MUC7: variants seen among roughly 807,000 people sequenced by gnomAD.
The protein encoded by MUC7 is mucin 7, secreted.
Under a neutral mutation model 2.5 loss-of-function variants are expected in MUC7, and 2 were observed. The observed-to-expected ratio is 0.81, with a 90% confidence interval of 0.33 to 2.55. MUC7 has a LOEUF of 2.55. Ranked by LOEUF, MUC7 falls within the 30% of genes most tolerant of loss-of-function variation. MUC7 has a pLI of 0.11. For missense variants in MUC7, 408 were observed against 455.6 expected, an observed-to-expected ratio of 0.90 and a Z score of 0.95; for synonymous variants, 133 against 173.4, an observed-to-expected ratio of 0.77 and a Z score of 1.83.
intron 1 of MUC7, among the ~76,000 whole-genome samples, chr4:70,465,090 G>C (rs1734648895): frequency 6.6e-6 from 1 of 152,210 alleles, no homozygotes; most frequent in African/African-American, 2.4e-5. Flanking sequence ...GCCTCCGCTG[G>C]TGATACCCAG....
intron 1 of MUC7, among the ~76,000 whole-genome samples, chr4:70,455,516 TTG>T (rs1157040235): frequency 3.3e-5 from 5 of 152,216 alleles, no homozygotes; most frequent in Non-Finnish European, 7.3e-5. Context: ...TCTTTCTGGT[TTG>T]TGAGTTTATA....
chr4:70,433,011 G>C (rs1733722747), intron 1 of MUC7, among the ~76,000 whole-genome samples: 1 of 152,126 alleles, frequency 6.6e-6, no homozygotes, highest in Non-Finnish European at 1.5e-5. Flanking sequence ...GCTTGCTTTT[G>C]TCAGGTTTGT....
intron 2 of MUC7, 71 bp downstream of exon 2, chr4:70,474,146 T>C: frequency 1.5e-6 from 2 of 1,305,134 alleles, no homozygotes; most frequent in Non-Finnish European, 1.1e-6. Context: ...TACCTGAGAC[T>C]TTTAAAGCAT....
In MUC7 at chr4:70,481,580, A is replaced by C; in HGVS notation, c.836A>C (p.Glu279Ala). 1 of 1,611,012 alleles carries C rather than the reference A, an allele frequency of 6.2e-7. No homozygotes were observed. Among genetic ancestry groups the C allele is most frequent in the Non-Finnish European group, 8.5e-7 (1 of 1,178,964 alleles). The change falls in exon 3 of 3, where the codon GAG (glutamate) becomes GCG (alanine). Residue 279 changes from glutamate to alanine, a missense_variant. Physicochemically the swap from Glu to Ala is moderately radical, Grantham distance 107. Coordinates refer to ENST00000304887, the MANE Select transcript of MUC7 (RefSeq NM_152291.3). ...LDPSSASAPPETTAAPPTPSA... is the reference protein window; with the variant it reads ...LDPSSASAPPATTAAPPTPSA... ...CCATCATCCGCCTCAGCTCCACCAG[A>C]GACCACAGCTGCCCCACCCACACCT...
intron 1 of MUC7, among the ~76,000 whole-genome samples, chr4:70,463,505 G>C (rs1481370448): frequency 1.3e-5 from 2 of 152,152 alleles, no homozygotes; most frequent in African/African-American, 2.4e-5. Context: ...AGAAGTGAAA[G>C]TATAGTGAGG....
Position 70,480,983 on chromosome 4 carries a change from A to AC in MUC7, c.246dup (p.Lys83GlnfsTer10), listed in dbSNP as rs34918942. On this transcript the variant is annotated frameshift_variant, in exon 3 of 3. Coordinates refer to ENST00000304887, the MANE Select transcript of MUC7 (RefSeq NM_152291.3). LOFTEE classifies it low-confidence loss of function (END_TRUNC). Reference sequence around the variant, plus strand: ...CCTAAGCTTCCACCTTCACCTAATAACCCCCCCAAATTCCCAAATCCTCAC... The same window carrying AC: ...CCTAAGCTTCCACCTTCACCTAATAACCCCCCCCAAATTCCCAAATCCTCAC... 2.7e-3 allele frequency: 4,415 copies of AC among 1,613,468 alleles called. 17 individuals carry two copies. The highest frequency in any genetic ancestry group is 2.8e-3 in the Non-Finnish European group (3,263 of 1,179,844).
intron 1 of MUC7, among the ~76,000 whole-genome samples, chr4:70,442,375 C>T (rs547360782): frequency 6.6e-6 from 1 of 152,276 alleles, no homozygotes; most frequent in South Asian, 2.1e-4. Flanking sequence ...AATAATGAGC[C>T]AGGTCTTGGC....
chr4:70,481,027 G>C lies in MUC7; in HGVS notation c.283G>C (p.Asp95His), dbSNP rs748370700. The C allele has an allele frequency of 6.2e-7, 1 of 1,614,040 alleles. No individual in the cohort carries two copies. The highest frequency in any genetic ancestry group is 1.7e-5 in the Admixed American group (1 of 60,002). Residue 95 changes from aspartate (D) to histidine (H), a missense_variant, in exon 3 of 3, where the codon GAT becomes CAT. Around this residue, in one of 3 missense-constraint regions of MUC7, gnomAD observed 225 missense variants for 240.5 expected, o/e 0.94. Coordinates refer to ENST00000304887, the MANE Select transcript of MUC7 (RefSeq NM_152291.3). ...PNPHQPPKHPDKNSSVVNPTL... is the reference protein window; with the variant it reads ...PNPHQPPKHPHKNSSVVNPTL... The stretch of plus-strand genomic sequence containing the variant: ...TCCTCACCAGCCACCTAAACATCCA[G>C]ATAAAAATAGCAGTGTGGTCAACCC...
chr4:70,468,442 T>C (rs374081524), upstream of MUC7, among the ~76,000 whole-genome samples: 39 of 152,304 alleles, frequency 2.6e-4, no homozygotes, highest in South Asian at 7.5e-3. Flanking sequence ...ATAAAGGGTA[T>C]TCAAATAGGA....
rs1330380446 is a variant in MUC7, at chr4:70,482,081, A to G, written c.*203A>G. The G allele has an allele frequency of 1.6e-6, 1 of 640,576 alleles. No individual in the cohort carries two copies. Among genetic ancestry groups the G allele is most frequent in the African/African-American group, 1.8e-5 (1 of 54,590 alleles). The allele number at this position is 640,576 out of a possible 1,614,324, so 39.7% of individuals were successfully genotyped here. On this transcript the variant is annotated 3_prime_UTR_variant, in exon 3 of 3. Coordinates refer to ENST00000304887, the MANE Select transcript of MUC7 (RefSeq NM_152291.3). ...TGCCTCTATCCCACAAGCCAGATGCAGGTCTGGGGTTCAAAATAACTCTTT... is the reference window on the plus strand; with the variant it reads ...TGCCTCTATCCCACAAGCCAGATGCGGGTCTGGGGTTCAAAATAACTCTTT...
intron 1 of MUC7, among the ~76,000 whole-genome samples, chr4:70,439,106 A>G (rs924312998): frequency 4.6e-5 from 7 of 152,344 alleles, no homozygotes; most frequent in African/African-American, 1.7e-4. Flanking sequence ...ATAGGGTGAA[A>G]TGATAGAGAT....
At chr4:70,431,621 G>A (rs1272835955) in intron 1 of MUC7, among the ~76,000 whole-genome samples, 3 of 152,012 alleles carry the variant, frequency 2.0e-5, no homozygotes, top group Non-Finnish European at 2.9e-5. Context: ...ATCAGTTGTA[G>A]TTTTCATTGG....
chr4:70,448,297 A>G (rs1734193320), intron 1 of MUC7, among the ~76,000 whole-genome samples: 1 of 152,172 alleles, frequency 6.6e-6, no homozygotes, highest in African/African-American at 2.4e-5. Flanking sequence ...TTTTGGGTAT[A>G]CACCTAGCAG....
At chr4:70,444,402 C>T (rs758778158) in intron 1 of MUC7, among the ~76,000 whole-genome samples, 3 of 152,142 alleles carry the variant, frequency 2.0e-5, no homozygotes, top group Non-Finnish European at 4.4e-5. Flanking sequence ...ACTACTTCAG[C>T]TTCTACCACA....
At position 70,481,442 on chromosome 4, in the gene MUC7, A is replaced by G. The variant is rs1735180261; in HGVS notation, c.698A>G (p.Glu233Gly). 6.6e-7 allele frequency: 1 copy of G among 1,508,564 alleles called. No homozygotes were observed. The highest frequency in any genetic ancestry group is 8.9e-7 in the Non-Finnish European group (1 of 1,126,066). The allele number at this position is 1,508,564 out of a possible 1,614,324, so 93.4% of individuals were successfully genotyped here. A position where few individuals can be genotyped will look rare whatever the true frequency, so the allele number is the denominator to read the frequency against. The change falls in exon 3 of 3, where the codon GAG (glutamate) becomes GGG (glycine). Residue 233 changes from glutamate to glycine, a missense_variant. Transcript: ENST00000304887. ...CCACCATCTTCCTCAGCTCCACCAG[A>G]GACCACAGCTGCCCCACCCACACCT... Reference protein sequence around the residue: ...PAPPSSSAPPETTAAPPTPSA... With the variant: ...PAPPSSSAPPGTTAAPPTPSA...
At chr4:70,478,293 A>G (rs1319968648) in intron 2 of MUC7, among the ~76,000 whole-genome samples, 1 of 152,186 alleles carries the variant, frequency 6.6e-6, no homozygotes, top group Non-Finnish European at 1.5e-5. Context: ...TATCATTTCC[A>G]TGCATTTACT....
At chr4:70,437,013 G>C (rs1260392644) in intron 1 of MUC7, among the ~76,000 whole-genome samples, 1 of 152,080 alleles carries the variant, frequency 6.6e-6, no homozygotes, top group Non-Finnish European at 1.5e-5. Context: ...CTGTTTGCTG[G>C]GTATCACCAG....
chr4:70,439,779 T>C (rs906098786), intron 1 of MUC7, among the ~76,000 whole-genome samples: 2 of 152,092 alleles, frequency 1.3e-5, no homozygotes, highest in Non-Finnish European at 2.9e-5. Context: ...GAAATGCATT[T>C]TGTTAATCAC....
intron 2 of MUC7, among the ~76,000 whole-genome samples, chr4:70,477,960 T>G (rs1735053016): frequency 6.6e-6 from 1 of 152,166 alleles, no homozygotes; most frequent in Non-Finnish European, 1.5e-5. Context: ...AAACTCAAAC[T>G]TTAGAGGCAT....
Sources: gnomAD v4.1 joint callset for allele counts (sites outside exome capture counted in the v4.1 genomes callset) on GRCh38, gnomAD v4.1.1 for gene constraint, gnomAD v4.1.1 regional missense constraint, MANE v1.5 for transcripts, NCBI Gene and HGNC (gene_info 2026-07-23, HGNC 2026-07-21) for gene names.